The following PIGN variants were observed in gnomAD, a reference collection of about 807,000 sequenced individuals.
PIGN encodes GPI ethanolamine phosphate transferase 1.
A neutral mutation model predicts 125.4 loss-of-function variants in PIGN; 117 were observed. The observed-to-expected ratio is 0.93, with a 90% CI of 0.80 to 1.09. The LOEUF is 1.09. Among genes scored for constraint, PIGN ranks in the 50% least tolerant of loss-of-function variants. PIGN has a pLI of 0.00. For synonymous variants in PIGN, 392 were observed against 377.8 expected (o/e 1.04, Z -0.44); for missense variants, 1,075 against 1,094.9 (o/e 0.98, Z 0.26).
intron 28 of PIGN, among the ~76,000 whole-genome samples, chr18:62,076,932 G>C (rs1019653934): frequency 6.6e-6 from 1 of 152,270 alleles, no homozygotes; most frequent in East Asian, 1.9e-4. Context: ...GCATTGTCTA[G>C]CACTAGTTTT....
chr18:62,045,385 C>G lies in PIGN; in HGVS notation c.*471G>C, dbSNP rs769744938. On this transcript the variant is annotated 3_prime_UTR_variant, in exon 31 of 31. Transcript: ENST00000640252. ...TATTGAAGCTCTTGAAATAATACACCCTGACTGTCTAACAAAACCAGTGCT... is the reference window on the plus strand; with the variant it reads ...TATTGAAGCTCTTGAAATAATACACGCTGACTGTCTAACAAAACCAGTGCT... 6.6e-6 allele frequency: 1 copy of G among 152,546 alleles called. No individual in the cohort carries two copies. Among genetic ancestry groups the G allele is most frequent in the Non-Finnish European group, 1.5e-5 (1 of 68,354 alleles). The allele number at this position is 152,546 out of a possible 1,614,324, so 9.4% of individuals were successfully genotyped here. A position where few individuals can be genotyped will look rare whatever the true frequency, so the allele number is the denominator to read the frequency against.
chr18:62,065,685 G>A (rs546827590), intron 30 of PIGN, among the ~76,000 whole-genome samples: 60 of 152,104 alleles, frequency 3.9e-4, no homozygotes, highest in Non-Finnish European at 1.8e-4. Flanking sequence ...CTTGTGAGCC[G>A]AGATCGCGCC....
intron 22 of PIGN, among the ~76,000 whole-genome samples, chr18:62,096,384 T>A (rs2034189736): frequency 6.6e-6 from 1 of 152,042 alleles, no homozygotes; most frequent in Non-Finnish European, 1.5e-5. Context: ...AGGCTACATT[T>A]CCCCTAATCA....
At chr18:62,150,168 G>T (rs1289951304) in intron 7 of PIGN, among the ~76,000 whole-genome samples, 1 of 152,134 alleles carries the variant, frequency 6.6e-6, no homozygotes, top group Non-Finnish European at 1.5e-5. Context: ...ATTTTTAGTA[G>T]AGAGAGGATA....
intron 1 of PIGN, among the ~76,000 whole-genome samples, chr18:62,166,917 G>C (rs1472061928): frequency 6.6e-6 from 1 of 152,198 alleles, no homozygotes; most frequent in Non-Finnish European, 1.5e-5. Flanking sequence ...GAGGACAAAA[G>C]AAGGGAGAGC....
intron 1 of PIGN, among the ~76,000 whole-genome samples, chr18:62,171,897 A>T (rs1224430278): frequency 6.6e-6 from 1 of 152,080 alleles, no homozygotes; most frequent in African/African-American, 2.4e-5. Flanking sequence ...TTTGCAGCAA[A>T]GTTTATGAAA....
intron 4 of PIGN, among the ~76,000 whole-genome samples, chr18:62,158,283 G>A (rs1472289147): frequency 1.3e-5 from 2 of 152,294 alleles, no homozygotes; most frequent in East Asian, 1.9e-4. Context: ...CCCCTGTGGT[G>A]CAGGTGGCAG....
At chr18:62,064,374 A>C (rs2032379829) in intron 30 of PIGN, among the ~76,000 whole-genome samples, 1 of 152,212 alleles carries the variant, frequency 6.6e-6, no homozygotes, top group Non-Finnish European at 1.5e-5. Context: ...TGAAGTAGCT[A>C]TCTGTCTCCA....
At chr18:62,176,915 T>C (rs1263593626) in intron 1 of PIGN, among the ~76,000 whole-genome samples, 1 of 152,056 alleles carries the variant, frequency 6.6e-6, no homozygotes, top group Non-Finnish European at 1.5e-5. Flanking sequence ...TGGAACTCTG[T>C]ACTGTTTTTG....
intron 1 of PIGN, among the ~76,000 whole-genome samples, chr18:62,167,384 C>T (rs2037183873): frequency 7.1e-6 from 1 of 140,220 alleles, no homozygotes; most frequent in African/African-American, 2.6e-5. Flanking sequence ...GTAATCCCAG[C>T]ATTTTGGGAG....
At chr18:62,020,960 C>CAA (rs35691307) in intron 23 of PIGN, among the ~76,000 whole-genome samples, 4 of 113,424 alleles carry the variant, frequency 3.5e-5, no homozygotes, top group South Asian at 2.8e-4. Context: ...GACTCTGTCT[C>CAA]AAAAAAAAAA....
intron 14 of PIGN, among the ~76,000 whole-genome samples, chr18:62,125,429 T>A (rs1297101694): frequency 6.6e-6 from 1 of 152,066 alleles, no homozygotes; most frequent in South Asian, 2.1e-4. Flanking sequence ...CTAGTAGACA[T>A]GTTATTATTG....
chr18:62,142,424 C>T (rs1263699373), intron 11 of PIGN, among the ~76,000 whole-genome samples: 3 of 149,442 alleles, frequency 2.0e-5, no homozygotes, highest in South Asian at 4.4e-4. Flanking sequence ...ATCTTCAAGT[C>T]ATTCCCGTCT....
chr18:62,176,562 T>A (rs1427717824), intron 1 of PIGN, among the ~76,000 whole-genome samples: 1 of 151,812 alleles, frequency 6.6e-6, no homozygotes, highest in Non-Finnish European at 1.5e-5. Flanking sequence ...CCTGACCAGA[T>A]GCACCGAGAA....
intron 5 of PIGN, 65 bp from the exon 6 acceptor site, chr18:62,157,292 T>C (rs2147519603): frequency 1.3e-6 from 1 of 777,406 alleles, no homozygotes; most frequent in Admixed American, 2.4e-5. Context: ...TAAAGAACTA[T>C]TCTTCAAATA....
At chr18:62,143,209 T>C (rs2036198729) in intron 11 of PIGN, 97 bp downstream of exon 11, 1 of 678,170 alleles carries the variant, frequency 1.5e-6, no homozygotes, top group African/African-American at 1.9e-5. Flanking sequence ...GAAAAAGACT[T>C]TGTCAATATT....
intron 1 of PIGN, among the ~76,000 whole-genome samples, chr18:62,166,006 G>A (rs897276995): frequency 1.3e-5 from 2 of 152,158 alleles, no homozygotes; most frequent in African/African-American, 4.8e-5. Context: ...GTCAGTAAAG[G>A]GTTTTCCTAA....
chr18:62,019,175 C>A (rs1031552348), intron 23 of PIGN, among the ~76,000 whole-genome samples: 1 of 152,138 alleles, frequency 6.6e-6, no homozygotes, highest in Non-Finnish European at 1.5e-5. Flanking sequence ...TACCACTGCA[C>A]TCCAAACAAA....
At chr18:62,183,589 T>C (rs896182712) in intron 1 of PIGN, among the ~76,000 whole-genome samples, 6 of 152,234 alleles carry the variant, frequency 3.9e-5, no homozygotes. Flanking sequence ...CAGTTTGTAA[T>C]TACATAGCTT....
Sources: allele counts gnomAD v4.1 joint callset (sites outside exome capture counted in the v4.1 genomes callset), GRCh38; gene constraint gnomAD v4.1.1; transcripts MANE v1.5; gene names NCBI Gene and HGNC (gene_info 2026-07-23, HGNC 2026-07-21).